PPP6R2: variants seen among roughly 807,000 people sequenced by gnomAD.
PPP6R2 encodes protein phosphatase 6 regulatory subunit 2.
Under a neutral mutation model 100.2 loss-of-function variants are expected in PPP6R2, and 62 were observed. The ratio of observed to expected loss-of-function variants is 0.62; its 90% CI spans 0.50 to 0.76. The LOEUF is 0.76. Ranked by LOEUF, PPP6R2 falls within the 30% of genes least tolerant of loss-of-function variation. The pLI is 0.00. For synonymous variants in PPP6R2, 525 were observed against 514.7 expected (o/e 1.02, Z -0.27); for missense variants, 1,142 against 1,276.3 (o/e 0.89, Z 1.60).
At chr22:50,396,860 G>A (rs2057007412) in intron 3 of PPP6R2, among the ~76,000 whole-genome samples, 1 of 152,184 alleles carries the variant, frequency 6.6e-6, no homozygotes, top group Non-Finnish European at 1.5e-5. Flanking sequence ...AAGGAACTGA[G>A]GGTTAGGGTG....
chr22:50,431,447 A>G lies in PPP6R2; in HGVS notation c.1335+65A>G. ...GCCCCACTCAGACCGTGTCCATGTC[A>G]GCGCTGACGTGTGCCGGACCTCACT... is the stretch of plus-strand genomic sequence containing the variant. On this transcript the variant is annotated intron_variant, in intron 11 of 23. Coordinates refer to ENST00000612753, the MANE Select transcript of PPP6R2 (RefSeq NM_001242898.2). The surrounding 1 kb of genome is among the most constrained non-coding windows in gnomAD (Gnocchi z 4.8). 1 of 1,439,074 alleles carries G rather than the reference A, an allele frequency of 6.9e-7. No homozygotes were observed. Among genetic ancestry groups the G allele is most frequent in the East Asian group, 2.4e-5 (1 of 42,338 alleles). 89.1% of individuals were successfully genotyped at this position (1,439,074 alleles called of 1,614,324 possible).
Position 50,418,963 on chromosome 22 carries a change from C to T in PPP6R2, c.715C>T (p.Leu239Phe), listed in dbSNP as rs146893610. The change falls in exon 7 of 24, where the codon CTC becomes TTC. Residue 239 changes from leucine to phenylalanine, a missense_variant. Around this residue, in one of 2 missense-constraint regions of PPP6R2, gnomAD observed 592 missense variants for 758.9 expected, o/e 0.78. Coordinates refer to ENST00000612753, the MANE Select transcript of PPP6R2 (RefSeq NM_001242898.2). ...LQEALEPDPL[L>F]TALESQDCVE... ...AGAGGCTCTGGAGCCAGACCCGCTC[C>T]TCACAGCGCTGGAGTCGTGAGTGCT... The T allele has an allele frequency of 4.0e-5, 65 of 1,613,416 alleles. No individual in the cohort carries two copies. Among genetic ancestry groups the T allele is most frequent in the Non-Finnish European group, 4.7e-5 (55 of 1,179,480 alleles).
At chr22:50,414,793 C>T (rs983571330) in intron 5 of PPP6R2, 104 bp downstream of exon 5, 9 of 1,310,230 alleles carry the variant, frequency 6.9e-6, no homozygotes, top group African/African-American at 5.9e-5. Flanking sequence ...GCCCCCATCT[C>T]TCCACCTAGC....
At chr22:50,382,227 A>T (rs1387153191) in intron 2 of PPP6R2, among the ~76,000 whole-genome samples, 1 of 152,214 alleles carries the variant, frequency 6.6e-6, no homozygotes, top group African/African-American at 2.4e-5. Context: ...AGAAAATCCA[A>T]AATGATCCAA....
chr22:50,396,586 G>C (rs999529273), intron 3 of PPP6R2, among the ~76,000 whole-genome samples: 4 of 151,980 alleles, frequency 2.6e-5, no homozygotes, highest in Non-Finnish European at 4.4e-5. Context: ...ATAAAGTCTT[G>C]TTAGACACAG....
intron 4 of PPP6R2, among the ~76,000 whole-genome samples, chr22:50,412,582 A>G (rs564451384): frequency 7.4e-6 from 1 of 134,880 alleles, no homozygotes; most frequent in Non-Finnish European, 1.6e-5. Flanking sequence ...GAGTTTTAGT[A>G]TGTTCTGGAA....
upstream of PPP6R2, among the ~76,000 whole-genome samples, chr22:50,339,694 GGTGTGTA>G (rs772445468): frequency 8.4e-4 from 64 of 76,258 alleles, 1 homozygote; most frequent in Non-Finnish European, 1.3e-3. Context: ...TGGTGTGATT[GGTGTGTA>G]GTGTGTGGTG....
In PPP6R2 at chr22:50,421,708, C is replaced by G. The variant is rs527566221; in HGVS notation, c.846-546C>G. ...GGTGGATCACCTGAGGTCAGGTGAT[C>G]GAGACCAGCCTGGCCAACATGGCAA... On this transcript the variant is annotated intron_variant, in intron 8 of 23. Coordinates refer to ENST00000612753, the MANE Select transcript of PPP6R2 (RefSeq NM_001242898.2). Among the ~76,000 whole-genome samples, 27 of 151,988 alleles carry G rather than the reference C, an allele frequency of 1.8e-4. No homozygotes were observed. In the East Asian group the frequency reaches 4.9e-3, roughly 28 times the overall value.
intron 1 of PPP6R2, among the ~76,000 whole-genome samples, chr22:50,367,064 G>A (rs893654957): frequency 3.3e-5 from 5 of 152,052 alleles, no homozygotes; most frequent in Admixed American, 2.0e-4. Flanking sequence ...CATAAAAAAT[G>A]GAGGCTTTTT....
chr22:50,351,043 T>G (rs554820071), intron 1 of PPP6R2, among the ~76,000 whole-genome samples: 2,277 of 126,112 alleles, frequency 0.018, 64 homozygotes, highest in Non-Finnish European at 0.024. Context: ...TTTTTTTTTT[T>G]TTTTTTTTTT....
At chr22:50,371,927 G>T (rs1054158313) in intron 1 of PPP6R2, 93 bp from the exon 2 acceptor site, 1 of 152,206 alleles carries the variant, frequency 6.6e-6, no homozygotes, top group African/African-American at 2.4e-5. Flanking sequence ...GTGAGCCACC[G>T]CACCCTGCCT....
rs781319536 is a variant in PPP6R2, at chr22:50,444,047, C to T, written c.2761C>T (p.Leu921=). The change falls in exon 23 of 24, where the codon CTA becomes TTA. Residue 921 remains leucine (L), a synonymous_variant. Coordinates refer to ENST00000612753, the MANE Select transcript of PPP6R2 (RefSeq NM_001242898.2). ...TTCTGCACTGGCCGTGGCGGTCCCC[C>T]TAGGGCCCATCATGGCAGTCACAGC... is the stretch of plus-strand genomic sequence containing the variant. ...VSSALAVAVP[L]GPIMAVTAAP... is the part of the protein sequence containing the mutation. 6.2e-7 allele frequency: 1 copy of T among 1,613,116 alleles called. No homozygotes were observed.
chr22:50,423,881 T>G lies in PPP6R2; in HGVS notation c.1125+267T>G, dbSNP rs562476582. 3.3e-5 allele frequency among the ~76,000 whole-genome samples: 5 copies of G among 152,218 alleles called. No individual in the cohort carries two copies. The highest frequency in any genetic ancestry group is 2.0e-4 in the Admixed American group (3 of 15,286). On this transcript the variant is annotated intron_variant, in intron 10 of 23. Coordinates refer to ENST00000612753, the MANE Select transcript of PPP6R2 (RefSeq NM_001242898.2). This position sits in a 1 kb window ranked among gnomAD's most constrained non-coding sequence, Gnocchi z 4.8. ...CAGAAGGCGGATTTCTAACCCGGTT[T>G]GATGGAATAGAGTGACACGTCTACC...
intron 3 of PPP6R2, among the ~76,000 whole-genome samples, chr22:50,404,892 G>A (rs2058610403): frequency 6.6e-6 from 1 of 152,182 alleles, no homozygotes; most frequent in South Asian, 2.1e-4. Context: ...GCAGGGTCAT[G>A]CACCAGGCCT....
intron 2 of PPP6R2, among the ~76,000 whole-genome samples, chr22:50,382,751 A>C (rs1011285368): frequency 6.6e-6 from 1 of 152,090 alleles, no homozygotes; most frequent in Admixed American, 6.6e-5. Flanking sequence ...TTCTTCTCCA[A>C]CTGATCGAGA....
chr22:50,341,483 T>C (rs1231693592), upstream of PPP6R2, among the ~76,000 whole-genome samples: 5 of 151,610 alleles, frequency 3.3e-5, no homozygotes, highest in Non-Finnish European at 5.9e-5. Context: ...GGATTACAGG[T>C]GTGAGCCACC....
the PPP6R2 span, among the ~76,000 whole-genome samples, chr22:50,335,658 C>T: frequency 4.7e-5 from 7 of 149,480 alleles, no homozygotes; most frequent in Non-Finnish European, 8.9e-5. Flanking sequence ...ACTACAGGTG[C>T]GCACCACCAC....
At chr22:50,363,893 CTTT>C (rs1247300028) in intron 1 of PPP6R2, among the ~76,000 whole-genome samples, 2 of 139,958 alleles carry the variant, frequency 1.4e-5, no homozygotes, top group African/African-American at 2.6e-5. Flanking sequence ...GATTTTCAAA[CTTT>C]TTTTTTTTTT....
chr22:50,432,113 G>A (rs942033580), intron 11 of PPP6R2, 152 bp from the exon 12 acceptor site: 3 of 674,930 alleles, frequency 4.4e-6, no homozygotes, highest in African/African-American at 1.8e-5. Flanking sequence ...TGAGGACCGC[G>A]GAGGCTGGGG....
Sources: allele counts gnomAD v4.1 joint callset (sites outside exome capture counted in the v4.1 genomes callset), GRCh38; gene constraint gnomAD v4.1.1; regional missense constraint gnomAD v4.1.1; non-coding constraint Gnocchi (gnomAD v3.1); transcripts MANE v1.5; gene names NCBI Gene and HGNC (gene_info 2026-07-23, HGNC 2026-07-21).